PAX5: variants seen among roughly 807,000 people sequenced by gnomAD.
PAX5 encodes the protein paired box protein Pax-5.
PAX5 carries 9 observed loss-of-function variants against 43.7 expected under a neutral mutation model. The ratio of observed to expected loss-of-function variants is 0.21; its 90% CI spans 0.12 to 0.36. PAX5 has a LOEUF of 0.36. Ranked by LOEUF, PAX5 falls within the 10% of genes least tolerant of loss-of-function variation. The pLI is 1.00. For synonymous variants in PAX5, 228 were observed against 214.3 expected, an observed-to-expected ratio of 1.06 and a Z score of -0.56; for missense variants, 383 against 532.7, an observed-to-expected ratio of 0.72 and a Z score of 2.77.
At chr9:36,872,112 A>G (rs1424026175) in intron 8 of PAX5, among the ~76,000 whole-genome samples, 3 of 152,160 alleles carry the variant, frequency 2.0e-5, no homozygotes, top group East Asian at 1.9e-4. Flanking sequence ...ACAAGCCCCA[A>G]AAGCCAGCCC....
rs10650417 is a variant in PAX5, at chr9:36,882,267, TACACAC to T, written c.911-168_911-163del. ...GCTCACACGCTCTCACAAACACACA[TACACAC>T]ACACACACACACACACACACACTCA... On this transcript the variant is annotated intron_variant, in intron 7 of 9. Coordinates refer to ENST00000358127, the MANE Select transcript of PAX5 (RefSeq NM_016734.3). The surrounding 1 kb of genome is among the most constrained non-coding windows in gnomAD (Gnocchi z 4.4). 0.021 allele frequency among the ~76,000 whole-genome samples: 3,025 copies of T among 146,366 alleles called. 31 individuals carry two copies. The highest frequency in any genetic ancestry group is 0.07 in the Middle Eastern group (20 of 284).
intron 5 of PAX5, among the ~76,000 whole-genome samples, chr9:36,994,918 C>T (rs10814499): frequency 0.43 from 65,920 of 151,974 alleles, 14,803 homozygotes; most frequent in East Asian, 0.68. Context: ...CTGGGTTCTA[C>T]GTGATGCCCC....
chr9:36,992,159 C>T (rs1027932970), intron 5 of PAX5, among the ~76,000 whole-genome samples: 5 of 123,300 alleles, frequency 4.1e-5, no homozygotes, highest in Non-Finnish European at 8.0e-5. Context: ...CATGAGTCAA[C>T]CAGAAACATT....
At chr9:36,967,119 C>A (rs1834513658) in intron 5 of PAX5, among the ~76,000 whole-genome samples, 2 of 152,214 alleles carry the variant, frequency 1.3e-5, no homozygotes, top group Admixed American at 1.3e-4. Flanking sequence ...CCCCTCCTGT[C>A]CTAAAGACCT....
Position 36,923,061 on chromosome 9 carries a change from C to A in PAX5, c.910+294G>T, listed in dbSNP as rs113890687. On this transcript the variant is annotated intron_variant, in intron 7 of 9. Transcript: ENST00000358127. ...ACCCTAGGCCTCTGAACACTCAGCC[C>A]CACCCACGGGGGCCCCTCTGGCATG... 1.2e-3 allele frequency: 420 copies of A among 360,312 alleles called. 1 individual carries two copies. Among genetic ancestry groups the A allele is most frequent in the African/African-American group, 7.8e-3 (383 of 48,864 alleles). The allele number at this position is 360,312 out of a possible 1,614,324, so 22.3% of individuals were successfully genotyped here. A position where few individuals can be genotyped will look rare whatever the true frequency, so the allele number is the denominator to read the frequency against.
chr9:36,909,222 G>A (rs1277969347), intron 7 of PAX5, among the ~76,000 whole-genome samples: 1 of 152,222 alleles, frequency 6.6e-6, no homozygotes, highest in Non-Finnish European at 1.5e-5. Context: ...GTTCTGGAAT[G>A]CAAATAGCCC....
At chr9:36,968,401 T>C (rs1834631558) in intron 5 of PAX5, among the ~76,000 whole-genome samples, 1 of 152,158 alleles carries the variant, frequency 6.6e-6, no homozygotes, top group Non-Finnish European at 1.5e-5. Flanking sequence ...ACAACTGCAA[T>C]GCAGGGCTGA....
intron 7 of PAX5, among the ~76,000 whole-genome samples, chr9:36,906,686 T>A (rs1451414730): frequency 3.9e-5 from 6 of 152,052 alleles, no homozygotes; most frequent in African/African-American, 1.4e-4. Flanking sequence ...GCTGGACAGA[T>A]CCCCCCGCAA....
chr9:37,009,675 AAG>A (rs1359047975), intron 3 of PAX5, among the ~76,000 whole-genome samples: 1 of 152,180 alleles, frequency 6.6e-6, no homozygotes, highest in African/African-American at 2.4e-5. Flanking sequence ...AAATAACTAA[AAG>A]AGTGTAATTG....
rs562735036 is a variant in PAX5 at position 36,974,253 on chromosome 9, C to T, written c.605-7529G>A. On this transcript the variant is annotated intron_variant, in intron 5 of 9. Coordinates refer to ENST00000358127, the MANE Select transcript of PAX5 (RefSeq NM_016734.3). ...TTGTTCTGGGGCTATGTTAGCAAAA[C>T]TCCTTGTGCGAGACTGAGAGAGCAT... Among the ~76,000 whole-genome samples, 223 of 152,228 alleles carry T rather than the reference C, an allele frequency of 1.5e-3. 1 individual carries two copies. The highest frequency in any genetic ancestry group is 2.8e-3 in the Non-Finnish European group (189 of 68,018).
At chr9:37,009,886 GGGAA>G (rs1309016350) in intron 3 of PAX5, among the ~76,000 whole-genome samples, 2 of 152,134 alleles carry the variant, frequency 1.3e-5, no homozygotes, top group Non-Finnish European at 2.9e-5. Context: ...AGCTGGGGAG[GGGAA>G]GGTAGCCACT....
intron 8 of PAX5, among the ~76,000 whole-genome samples, chr9:36,855,134 C>T (rs138580715): frequency 1.1e-4 from 17 of 152,368 alleles, no homozygotes; most frequent in South Asian, 6.2e-4. Flanking sequence ...TGCGGCATCA[C>T]GGTGCCTCTG....
At chr9:36,985,875 T>A (rs1836355929) in intron 5 of PAX5, among the ~76,000 whole-genome samples, 1 of 152,180 alleles carries the variant, frequency 6.6e-6, no homozygotes, top group Admixed American at 6.5e-5. Flanking sequence ...CAGGGCATCA[T>A]CCAGCAAGAT....
chr9:36,887,769 G>A (rs890138413), intron 7 of PAX5, among the ~76,000 whole-genome samples: 11 of 152,156 alleles, frequency 7.2e-5, no homozygotes, highest in Non-Finnish European at 1.6e-4. Flanking sequence ...CAAAAAAATA[G>A]ATACACTGGA....
intron 8 of PAX5, among the ~76,000 whole-genome samples, chr9:36,862,415 G>A (rs1438751739): frequency 7.9e-5 from 12 of 152,130 alleles, no homozygotes; most frequent in Non-Finnish European, 2.9e-5. Context: ...CCCCAGCACC[G>A]CGTTCTGGGG....
intron 6 of PAX5, among the ~76,000 whole-genome samples, chr9:36,955,193 G>T (rs1437228588): frequency 6.6e-6 from 1 of 151,560 alleles, no homozygotes; most frequent in African/African-American, 2.4e-5. Context: ...TTGGATTCTT[G>T]GAATACTCAT....
At chr9:36,999,552 G>A (rs1348748479) in intron 5 of PAX5, among the ~76,000 whole-genome samples, 1 of 152,204 alleles carries the variant, frequency 6.6e-6, no homozygotes, top group African/African-American at 2.4e-5. Context: ...GGGGATGACT[G>A]TGAACTAGGC....
At chr9:37,014,919 G>A (rs1305182007) in intron 3 of PAX5, 78 bp downstream of exon 3, 2 of 1,335,750 alleles carry the variant, frequency 1.5e-6, no homozygotes, top group East Asian at 4.6e-5. Flanking sequence ...CAGATCTTCA[G>A]GAAAGGCACA....
chr9:36,842,587 G>A lies in PAX5; in HGVS notation c.1100-1951C>T, dbSNP rs183952835. Among the ~76,000 whole-genome samples, 149 of 152,238 alleles carry A rather than the reference G, an allele frequency of 9.8e-4. 2 individuals carry two copies. The highest frequency in any genetic ancestry group is 4.1e-3 in the Admixed American group (62 of 15,290). On this transcript the variant is annotated intron_variant, in intron 9 of 9. Coordinates refer to ENST00000358127, the MANE Select transcript of PAX5 (RefSeq NM_016734.3). ...TCACAAAGCACTCTGTCTTCCTGGC[G>A]CCCATTAAACCTCCATCTAGAATAA...
Sources: gnomAD v4.1 joint callset for allele counts (sites outside exome capture counted in the v4.1 genomes callset) on GRCh38, gnomAD v4.1.1 for gene constraint, Gnocchi (gnomAD v3.1) non-coding constraint, MANE v1.5 for transcripts, NCBI Gene and HGNC (gene_info 2026-07-23, HGNC 2026-07-21) for gene names.